Variants in OCA2 observed in about 807,000 individuals in gnomAD.
OCA2 encodes the protein P protein.
In OCA2, 77 loss-of-function variants were observed where a neutral mutation model predicts 100.2. The ratio of observed to expected loss-of-function variants is 0.77; its 90% CI spans 0.64 to 0.93. OCA2 has a LOEUF of 0.93. Among genes scored for constraint, OCA2 ranks in the 40% least tolerant of loss-of-function variants. The pLI, the probability that OCA2 is intolerant of heterozygous loss-of-function variation, is 0.00. For synonymous variants in OCA2, 432 were observed against 439.2 expected (o/e 0.98, Z 0.21); for missense variants, 1,062 against 1,089.1 (o/e 0.98, Z 0.35).
At chr15:27,869,518 A>G (rs1159631834) in intron 21 of OCA2, among the ~76,000 whole-genome samples, 1 of 152,242 alleles carries the variant, frequency 6.6e-6, no homozygotes, top group East Asian at 1.9e-4. Flanking sequence ...TTAGGTAGTC[A>G]TAAAAATTTA....
chr15:27,732,629 G>A, the OCA2 span, among the ~76,000 whole-genome samples: 12 of 152,304 alleles, frequency 7.9e-5, no homozygotes, highest in Admixed American at 6.5e-4. Flanking sequence ...CCTTGCTGCT[G>A]TATTGCTGTG....
At chr15:27,752,849 T>G (rs556311255), downstream of OCA2, among the ~76,000 whole-genome samples, 2 of 104,080 alleles carry the variant, frequency 1.9e-5, no homozygotes, top group East Asian at 6.3e-4. Context: ...TCACTGGCCC[T>G]AAAGGATTGC....
chr15:27,752,192 T>C (rs1015859832), downstream of OCA2, among the ~76,000 whole-genome samples: 1 of 152,218 alleles, frequency 6.6e-6, no homozygotes, highest in Non-Finnish European at 1.5e-5. Flanking sequence ...TGGATTTTCA[T>C]GGTGAATTCA....
the OCA2 span, among the ~76,000 whole-genome samples, chr15:27,729,761 C>G: frequency 2.0e-5 from 3 of 152,168 alleles, no homozygotes; most frequent in Non-Finnish European, 4.4e-5. Flanking sequence ...GGGCATTATT[C>G]TGCCTACCAC....
chr15:27,964,242 G>A (rs956282534), intron 15 of OCA2, among the ~76,000 whole-genome samples: 4 of 152,136 alleles, frequency 2.6e-5, no homozygotes, highest in Non-Finnish European at 5.9e-5. Context: ...TTCCTCCTAT[G>A]AGGACAACAA....
intron 15 of OCA2, among the ~76,000 whole-genome samples, chr15:27,960,355 G>A (rs1450683226): frequency 2.6e-5 from 4 of 152,112 alleles, no homozygotes; most frequent in African/African-American, 9.7e-5. Flanking sequence ...TTCCAAAACT[G>A]GAAAGAGATA....
rs371193597 is a variant in OCA2, at chr15:27,790,345, C to A, written c.2433-34873G>T. Among the ~76,000 whole-genome samples, 216 of 152,296 alleles carry A rather than the reference C, an allele frequency of 1.4e-3. 1 individual carries two copies. The highest frequency in any genetic ancestry group is 5.1e-3 in the African/African-American group (213 of 41,574). Reference sequence around the variant, plus strand: ...AGCAACTATGGAAAATTAAGCATAGCAAACTACCTGGCCTCACAGCCCCAT... The same window carrying A: ...AGCAACTATGGAAAATTAAGCATAGAAAACTACCTGGCCTCACAGCCCCAT... On this transcript the variant is annotated intron_variant, in intron 23 of 23. Coordinates refer to ENST00000354638, the MANE Select transcript of OCA2 (RefSeq NM_000275.3).
chr15:27,865,388 C>T (rs1000406252), intron 21 of OCA2, among the ~76,000 whole-genome samples: 16 of 152,122 alleles, frequency 1.1e-4, no homozygotes, highest in African/African-American at 3.9e-4. Context: ...TGGCCAATGA[C>T]GCCAGCCAGA....
intron 23 of OCA2, among the ~76,000 whole-genome samples, chr15:27,822,881 G>C (rs564755553): frequency 6.6e-6 from 1 of 152,138 alleles, no homozygotes; most frequent in African/African-American, 2.4e-5. Context: ...TGACCAAAAG[G>C]TCTTAAATAT....
intron 19 of OCA2, among the ~76,000 whole-genome samples, chr15:27,908,209 A>G (rs912438673): frequency 6.6e-6 from 1 of 152,206 alleles, no homozygotes; most frequent in African/African-American, 2.4e-5. Context: ...TCCAGAATTC[A>G]AGGTTGGTTC....
intron 19 of OCA2, among the ~76,000 whole-genome samples, chr15:27,914,927 C>T (rs1391476501): frequency 6.6e-6 from 1 of 152,032 alleles, no homozygotes; most frequent in Non-Finnish European, 1.5e-5. Context: ...GCAAAAAGAA[C>T]AAAGCTGGAG....
chr15:27,779,677 G>A (rs2032435551), intron 23 of OCA2, among the ~76,000 whole-genome samples: 1 of 152,080 alleles, frequency 6.6e-6, no homozygotes, highest in South Asian at 2.1e-4. Flanking sequence ...ATCTCTTATA[G>A]ACAACACATT....
intron 18 of OCA2, among the ~76,000 whole-genome samples, chr15:27,929,809 A>G (rs2039177177): frequency 1.3e-5 from 1 of 76,956 alleles, no homozygotes; most frequent in African/African-American, 3.9e-5. Flanking sequence ...AGTAAACAAC[A>G]CAATTCAAAT....
At chr15:28,070,429 G>A (rs1331542872) in intron 2 of OCA2, among the ~76,000 whole-genome samples, 3 of 128,176 alleles carry the variant, frequency 2.3e-5, no homozygotes, top group Admixed American at 7.3e-5. Context: ...CACCCCGTCC[G>A]GGAGGGAGAT....
In OCA2 at chr15:27,754,938, C is replaced by T; in HGVS notation, c.*450G>A. On this transcript the variant is annotated 3_prime_UTR_variant, in exon 24 of 24. Coordinates refer to ENST00000354638, the MANE Select transcript of OCA2 (RefSeq NM_000275.3). ...TTCCTTACGAGCAGTAAACCTTTTCCCAGAAAGTCTATATTCAGAAAGCAT... is the reference window on the plus strand; with the variant it reads ...TTCCTTACGAGCAGTAAACCTTTTCTCAGAAAGTCTATATTCAGAAAGCAT... 1 of 201,404 alleles carries T rather than the reference C, an allele frequency of 5.0e-6. No homozygotes were observed. The highest frequency in any genetic ancestry group is 1.0e-4 in the South Asian group (1 of 9,934). The allele number at this position is 201,404 out of a possible 1,614,324, so 12.5% of individuals were successfully genotyped here. A position where few individuals can be genotyped will look rare whatever the true frequency, so the allele number is the denominator to read the frequency against.
intron 23 of OCA2, among the ~76,000 whole-genome samples, chr15:27,770,540 T>C (rs1435498151): frequency 1.3e-5 from 2 of 151,894 alleles, no homozygotes; most frequent in Admixed American, 6.5e-5. Context: ...CCTTCCTTCC[T>C]CCCTCGCCGC....
At chr15:27,973,789 G>T (rs1245532847) in intron 14 of OCA2, among the ~76,000 whole-genome samples, 1 of 152,134 alleles carries the variant, frequency 6.6e-6, no homozygotes, top group Admixed American at 6.5e-5. Context: ...TGGTCATTTT[G>T]TGATACTGAC....
In OCA2 at chr15:27,926,175, C is replaced by T. The variant is rs1245023581; in HGVS notation, c.2031G>A (p.Val677=). The change falls in exon 19 of 24, where the codon GTG becomes GTA. Residue 677 remains valine, a synonymous_variant. Coordinates refer to ENST00000354638, the MANE Select transcript of OCA2 (RefSeq NM_000275.3). ...IHDFEIILHR[V]EWATLLFFAA... ...CAAAAAACAGAAGGGTTGCCCATTC[C>T]ACTCTGTGTAGAATTATCTCAAAAT... is the stretch of plus-strand genomic sequence containing the variant. 1 of 1,614,120 alleles carries T rather than the reference C, an allele frequency of 6.2e-7. No homozygotes were observed. The highest frequency in any genetic ancestry group is 1.7e-5 in the Admixed American group (1 of 60,020).
chr15:28,003,488 G>T (rs544877558), intron 9 of OCA2, among the ~76,000 whole-genome samples: 3 of 152,108 alleles, frequency 2.0e-5, no homozygotes, highest in African/African-American at 7.3e-5. Context: ...CCCACAAGAA[G>T]CCAGGAGATG....
Sources: allele counts gnomAD v4.1 joint callset (sites outside exome capture counted in the v4.1 genomes callset), GRCh38; gene constraint gnomAD v4.1.1; transcripts MANE v1.5; gene names NCBI Gene and HGNC (gene_info 2026-07-23, HGNC 2026-07-21).